MARCHF1: variants seen among roughly 807,000 people sequenced by gnomAD.
MARCHF1 encodes membrane associated ring-CH-type finger 1, also known as E3 ubiquitin-protein ligase MARCHF1.
MARCHF1 carries 40 observed loss-of-function variants against 54.2 expected under a neutral mutation model. The ratio of observed to expected loss-of-function variants is 0.74; its 90% CI spans 0.57 to 0.96. The LOEUF (loss-of-function observed/expected upper bound fraction) is 0.96. Ranked by LOEUF, MARCHF1 falls within the 40% of genes least tolerant of loss-of-function variation. The probability of loss-of-function intolerance (pLI) is 0.00; values close to 1 mark genes in which losing one functional copy is unlikely to be tolerated. For missense variants in MARCHF1, 586 were observed against 656.5 expected (o/e 0.89, Z 1.17); for synonymous variants, 236 against 236.3 (o/e 1.00, Z 0.01).
At chr4:164,326,535 C>T (rs1314064715) in intron 1 of MARCHF1, among the ~76,000 whole-genome samples, 1 of 151,940 alleles carries the variant, frequency 6.6e-6, no homozygotes, top group Admixed American at 6.6e-5. Flanking sequence ...GAACATAGTA[C>T]AAGGGAAATG....
intron 4 of MARCHF1, among the ~76,000 whole-genome samples, chr4:163,713,348 G>T (rs560324210): frequency 4.6e-5 from 7 of 152,186 alleles, no homozygotes; most frequent in African/African-American, 1.7e-4. Flanking sequence ...TAAAAAATTT[G>T]CCATAATGCC....
intron 4 of MARCHF1, among the ~76,000 whole-genome samples, chr4:163,767,021 C>T (rs1170845586): frequency 7.0e-6 from 1 of 143,276 alleles, no homozygotes; most frequent in Non-Finnish European, 1.5e-5. Context: ...ATATTTTTTT[C>T]ATTATCTCAT....
chr4:163,715,904 C>G (rs1204282314), intron 4 of MARCHF1, among the ~76,000 whole-genome samples: 2 of 152,038 alleles, frequency 1.3e-5, no homozygotes, highest in African/African-American at 2.4e-5. Flanking sequence ...TCCTAGATAT[C>G]CAGTTATAAT....
In MARCHF1 at chr4:164,021,867, T is replaced by TA. The variant is rs1553970642; in HGVS notation, c.-247-33159_-247-33158insT. Among the ~76,000 whole-genome samples, 333 of 147,022 alleles carry TA rather than the reference T, an allele frequency of 2.3e-3. 1 individual carries two copies. The highest frequency in any genetic ancestry group is 3.9e-3 in the South Asian group (18 of 4,644). ...GAACCTCCATGTCAAAAAAAAAAAA[T>TA]TATATATATATATATATGGTCCATT... is the stretch of plus-strand genomic sequence containing the variant. On this transcript the variant is annotated intron_variant, in intron 2 of 9. Transcript: ENST00000514618.
chr4:163,976,585 C>T (rs1752653576), intron 3 of MARCHF1, among the ~76,000 whole-genome samples: 1 of 152,158 alleles, frequency 6.6e-6, no homozygotes, highest in Non-Finnish European at 1.5e-5. Context: ...AACCAATAGG[C>T]TACTGCCTCA....
intron 5 of MARCHF1, among the ~76,000 whole-genome samples, chr4:163,683,715 C>T (rs946011781): frequency 2.6e-5 from 4 of 152,110 alleles, no homozygotes; most frequent in East Asian, 1.9e-4. Flanking sequence ...TGCATGTGTT[C>T]GACTTATGAT....
chr4:163,756,999 C>T (rs1014924640), intron 4 of MARCHF1, among the ~76,000 whole-genome samples: 5 of 152,140 alleles, frequency 3.3e-5, no homozygotes, highest in African/African-American at 4.8e-5. Context: ...ATGGGCTGCC[C>T]ATCTTTGTTG....
chr4:163,957,704 A>G (rs1057320968), intron 3 of MARCHF1, among the ~76,000 whole-genome samples: 1 of 152,020 alleles, frequency 6.6e-6, no homozygotes, highest in African/African-American at 2.4e-5. Flanking sequence ...CTCACGCCAA[A>G]AAAATTTAAG....
At chr4:164,049,429 A>T (rs1438773333) in intron 2 of MARCHF1, among the ~76,000 whole-genome samples, 1 of 151,762 alleles carries the variant, frequency 6.6e-6, no homozygotes, top group Non-Finnish European at 1.5e-5. Context: ...CTTGGGGAAC[A>T]GATACTATAA....
chr4:164,079,784 T>A (rs1755056919), intron 2 of MARCHF1, among the ~76,000 whole-genome samples: 1 of 152,176 alleles, frequency 6.6e-6, no homozygotes, highest in East Asian at 1.9e-4. Flanking sequence ...CTATGAAATT[T>A]CACAACACAC....
chr4:163,725,012 G>C (rs1167604244), intron 4 of MARCHF1, among the ~76,000 whole-genome samples: 1 of 152,006 alleles, frequency 6.6e-6, no homozygotes, highest in African/African-American at 2.4e-5. Flanking sequence ...TGCACCTACT[G>C]TCCTGCCCCC....
intron 1 of MARCHF1, among the ~76,000 whole-genome samples, chr4:164,300,740 C>T (rs146004243): frequency 6.6e-6 from 1 of 152,270 alleles, no homozygotes; most frequent in Admixed American, 6.5e-5. Flanking sequence ...AGGGTTGTGC[C>T]ATGTTGTCCA....
At chr4:163,542,141 C>T (rs994647496) in intron 9 of MARCHF1, among the ~76,000 whole-genome samples, 5 of 152,188 alleles carry the variant, frequency 3.3e-5, no homozygotes, top group Non-Finnish European at 7.3e-5. Flanking sequence ...GAAACGGACC[C>T]TTGATTGTCA....
chr4:164,315,040 A>G (rs1479086926), intron 1 of MARCHF1, among the ~76,000 whole-genome samples: 1 of 152,138 alleles, frequency 6.6e-6, no homozygotes, highest in Non-Finnish European at 1.5e-5. Flanking sequence ...CAAAACAGAG[A>G]AGAGTTATGC....
chr4:163,617,802 CTGA>C (rs1450051460), intron 5 of MARCHF1, among the ~76,000 whole-genome samples: 1 of 152,116 alleles, frequency 6.6e-6, no homozygotes, highest in African/African-American at 2.4e-5. Context: ...CCTCAAATCA[CTGA>C]TGATGTTATT....
chr4:164,234,366 A>C (rs970954183), intron 1 of MARCHF1, among the ~76,000 whole-genome samples: 5 of 152,156 alleles, frequency 3.3e-5, no homozygotes, highest in African/African-American at 1.2e-4. Flanking sequence ...ATGCCTACTT[A>C]TCTACGATTT....
At chr4:164,032,427 G>C (rs1440685660) in intron 2 of MARCHF1, among the ~76,000 whole-genome samples, 2 of 152,056 alleles carry the variant, frequency 1.3e-5, no homozygotes, top group Non-Finnish European at 2.9e-5. Context: ...TGGGATGTTA[G>C]GGTGTCAATG....
At chr4:164,219,317 C>A (rs994316442) in intron 1 of MARCHF1, among the ~76,000 whole-genome samples, 6 of 152,142 alleles carry the variant, frequency 3.9e-5, no homozygotes, top group Non-Finnish European at 7.4e-5. Flanking sequence ...TTTCCACACT[C>A]ACTAGTTGCT....
At chr4:164,101,897 A>G (rs1755571353) in intron 2 of MARCHF1, among the ~76,000 whole-genome samples, 1 of 151,670 alleles carries the variant, frequency 6.6e-6, no homozygotes, top group African/African-American at 2.4e-5. Flanking sequence ...AACTAGAAGA[A>G]CCAATACAGA....
Sources: gnomAD v4.1 joint callset for allele counts (sites outside exome capture counted in the v4.1 genomes callset) on GRCh38, gnomAD v4.1.1 for gene constraint, MANE v1.5 for transcripts, NCBI Gene and HGNC (gene_info 2026-07-23, HGNC 2026-07-21) for gene names.